The following STYXL1 variants were observed in gnomAD, a reference collection of about 807,000 sequenced individuals.
The protein encoded by STYXL1 is serine/threonine/tyrosine interacting like 1.
In STYXL1, 32 loss-of-function variants were observed where a neutral mutation model predicts 36.4. That is an observed-to-expected ratio of 0.88 (90% CI 0.66 to 1.18). The LOEUF is 1.18. Among genes scored for constraint, STYXL1 ranks in the 50% most tolerant of loss-of-function variants. STYXL1 has a pLI of 0.00. For synonymous variants in STYXL1, 133 were observed against 144.1 expected (o/e 0.92, Z 0.55); for missense variants, 354 against 394.1 (o/e 0.90, Z 0.86).
At position 76,005,313 on chromosome 7, in the gene STYXL1, T is replaced by G; in HGVS notation, c.545A>C (p.Gln182Pro). 6.2e-7 allele frequency: 1 copy of G among 1,613,012 alleles called. No homozygotes were observed. The highest frequency in any genetic ancestry group is 8.5e-7 in the Non-Finnish European group (1 of 1,179,182). The change falls in exon 6 of 9, where the codon CAG becomes CCG. Residue 182 changes from glutamine (Q) to proline (P), a missense_variant. By Grantham distance (76) the Gln-to-Pro change is moderately conservative. Transcript: ENST00000359697. ...NFSQACDPKI[Q>P]KDLKIKAHVN... The stretch of plus-strand genomic sequence containing the variant: ...ATGGGCTTTGATTTTCAAGTCCTTC[T>G]GAATCTTGGGGTCACAGGCTTGACT...
intron 3 of STYXL1, among the ~76,000 whole-genome samples, chr7:76,027,763 G>A (rs1554578153): frequency 1.3e-5 from 2 of 152,158 alleles, no homozygotes; most frequent in Non-Finnish European, 2.9e-5. Flanking sequence ...GTTGTATTCT[G>A]TTGTATCCCC....
intron 4 of STYXL1, among the ~76,000 whole-genome samples, chr7:76,018,828 A>G (rs1793704181): frequency 6.6e-6 from 1 of 152,200 alleles, no homozygotes; most frequent in Non-Finnish European, 1.5e-5. Flanking sequence ...ATGAACATTC[A>G]TGTAAAAGCT....
intron 6 of STYXL1, among the ~76,000 whole-genome samples, chr7:76,004,730 G>A (rs961511275): frequency 1.3e-5 from 2 of 150,874 alleles, no homozygotes; most frequent in Non-Finnish European, 2.9e-5. Flanking sequence ...GGCCAGGCGC[G>A]GTGGCTCATG....
At chr7:76,040,768 G>A (rs143119776) in intron 1 of STYXL1, among the ~76,000 whole-genome samples, 2,760 of 150,970 alleles carry the variant, frequency 0.018, 33 homozygotes, top group South Asian at 0.024. Context: ...CCTGGGAGAC[G>A]GAGGTTGCAG....
At chr7:76,032,047 T>A (rs1795395386) in intron 1 of STYXL1, among the ~76,000 whole-genome samples, 1 of 151,980 alleles carries the variant, frequency 6.6e-6, no homozygotes, top group South Asian at 2.1e-4. Context: ...GGCAGGAGGA[T>A]CACTTGATCC....
chr7:76,012,597 G>A lies in STYXL1; in HGVS notation c.453+1145C>T, dbSNP rs1792689512. Among the ~76,000 whole-genome samples the A allele has an allele frequency of 3.3e-5, 5 of 152,146 alleles. No individual in the cohort carries two copies. In the South Asian group the frequency reaches 1.0e-3, roughly 32 times the overall value. On this transcript the variant is annotated intron_variant, in intron 5 of 8. Transcript: ENST00000359697. Reference sequence around the variant, plus strand: ...TTTTTGGTAGTCAGGGTTTTGCCATGTTGCTTAGGCTGGGCTCAAACTCCT... The same window carrying A: ...TTTTTGGTAGTCAGGGTTTTGCCATATTGCTTAGGCTGGGCTCAAACTCCT...
At chr7:76,016,109 CAT>C (rs548813616) in intron 4 of STYXL1, among the ~76,000 whole-genome samples, 3 of 151,868 alleles carry the variant, frequency 2.0e-5, no homozygotes, top group Non-Finnish European at 4.4e-5. Flanking sequence ...CATATACACG[CAT>C]ATATATACAC....
At chr7:76,045,885 A>C (rs2116558258) in intron 1 of STYXL1, 1 of 152,298 alleles carries the variant, frequency 6.6e-6, no homozygotes, top group South Asian at 2.1e-4. Flanking sequence ...GGACAAAAAA[A>C]ACAGAAGAAA....
intron 4 of STYXL1, among the ~76,000 whole-genome samples, chr7:76,017,878 A>AAAAAAAAAAAAAAAAAAAAAAC (rs1793585222): frequency 6.8e-6 from 1 of 147,238 alleles, no homozygotes; most frequent in African/African-American, 2.5e-5. Context: ...AAAAAAAAAA[A>AAAAAAAAAAAAAAAAAAAAAAC]AAAGGCAAGA....
At chr7:76,028,764 G>A (rs1795011635) in intron 2 of STYXL1, 61 bp from the exon 3 acceptor site, 3 of 1,430,890 alleles carry the variant, frequency 2.1e-6, no homozygotes, top group African/African-American at 1.4e-5. Flanking sequence ...AAACTACTCA[G>A]AGGACCTACG....
intron 3 of STYXL1, among the ~76,000 whole-genome samples, chr7:76,023,052 C>CA (rs1794269517): frequency 6.6e-6 from 1 of 152,128 alleles, no homozygotes; most frequent in Admixed American, 6.5e-5. Context: ...TGGCAGGTAA[C>CA]ACTCCAGGGT....
intron 5 of STYXL1, among the ~76,000 whole-genome samples, chr7:76,010,077 G>A (rs1435730279): frequency 6.6e-6 from 1 of 152,164 alleles, no homozygotes; most frequent in Non-Finnish European, 1.5e-5. Flanking sequence ...AGGTGGCAGT[G>A]ATGAGTTATC....
chr7:76,005,618 C>T (rs1791573698), intron 5 of STYXL1, among the ~76,000 whole-genome samples: 1 of 152,144 alleles, frequency 6.6e-6, no homozygotes, highest in Non-Finnish European at 1.5e-5. Flanking sequence ...CCTCATCGTG[C>T]AGAGCGCTGG....
intron 1 of STYXL1, 25 bp from the exon 2 acceptor site, chr7:76,030,552 G>C (rs782560386): frequency 7.1e-7 from 1 of 1,404,198 alleles, no homozygotes; most frequent in Non-Finnish European, 1.0e-6. Context: ...TAACACACAA[G>C]GGTAACATAA....
intron 7 of STYXL1, among the ~76,000 whole-genome samples, chr7:76,003,309 A>T (rs1246852107): frequency 6.6e-6 from 1 of 152,218 alleles, no homozygotes; most frequent in African/African-American, 2.4e-5. Flanking sequence ...AAAATCTTGG[A>T]AGTCAGAACT....
intron 8 of STYXL1, chr7:76,000,338 C>A (rs1188634516): frequency 4.5e-6 from 2 of 443,982 alleles, no homozygotes; most frequent in Non-Finnish European, 9.1e-6. Context: ...CCCTCTCCTT[C>A]CCCCAAAAAC....
chr7:76,013,870 C>G lies in STYXL1; in HGVS notation c.325G>C (p.Ala109Pro). Residue 109 changes from alanine (A) to proline (P), a missense_variant, in exon 5 of 9, where the codon GCC (alanine) becomes CCC (proline). By Grantham distance (27) the Ala-to-Pro change is conservative. Transcript: ENST00000359697. ...GDGKDLVPQAAIEYGRILTRL... is the reference protein window; with the variant it reads ...GDGKDLVPQAPIEYGRILTRL... ...GTCAGGATCCTGCCATACTCAATGG[C>G]TGCTTGAGGCACAAGATCTGAGAGT... 6.2e-7 allele frequency: 1 copy of G among 1,612,160 alleles called. No homozygotes were observed. Among genetic ancestry groups the G allele is most frequent in the South Asian group, 1.1e-5 (1 of 90,872 alleles).
rs1338696128 is a variant in STYXL1, at chr7:75,996,379, C to G, written c.*89G>C. 56 of 1,610,942 alleles carry G rather than the reference C, an allele frequency of 3.5e-5. No individual in the cohort carries two copies. Among genetic ancestry groups the G allele is most frequent in the Non-Finnish European group, 4.8e-5 (56 of 1,178,834 alleles). On this transcript the variant is annotated 3_prime_UTR_variant, in exon 9 of 9. Coordinates refer to ENST00000359697, the MANE Select transcript of STYXL1 (RefSeq NM_001317785.2). ...GCAGCAAAGGCCTTCTCCTTCCAGA[C>G]AAGCCTGGGTATACACACTCTGGCC...
chr7:75,997,100 G>A (rs116292296), intron 8 of STYXL1, among the ~76,000 whole-genome samples: 1,693 of 152,170 alleles, frequency 0.011, 31 homozygotes, highest in African/African-American at 0.037. Flanking sequence ...GAGGACAAAC[G>A]AAAAAGGGAA....
Sources: allele counts gnomAD v4.1 joint callset (sites outside exome capture counted in the v4.1 genomes callset), GRCh38; gene constraint gnomAD v4.1.1; transcripts MANE v1.5; gene names NCBI Gene and HGNC (gene_info 2026-07-23, HGNC 2026-07-21).